CMTM3: variants seen among roughly 807,000 people sequenced by gnomAD.
The protein encoded by CMTM3 is CKLF-like MARVEL transmembrane domain-containing protein 3.
CMTM3 carries 7 observed loss-of-function variants against 18.2 expected under a neutral mutation model. The observed-to-expected ratio is 0.38, with a 90% CI of 0.22 to 0.72. The LOEUF is 0.72. CMTM3 is among the 30% of genes least tolerant of loss of function. The pLI is 0.46. For synonymous variants in CMTM3, 109 were observed against 111.2 expected, an observed-to-expected ratio of 0.98 and a Z score of 0.12; for missense variants, 227 against 249.2, an observed-to-expected ratio of 0.91 and a Z score of 0.60.
chr16:66,606,118 C>A (rs781629423), intron 1 of CMTM3, among the ~76,000 whole-genome samples: 21 of 151,032 alleles, frequency 1.4e-4, no homozygotes, highest in South Asian at 1.1e-3. Flanking sequence ...TGTCAGGAAT[C>A]CAGGTCAGGG....
chr16:66,606,277 A>C (rs899220579), intron 1 of CMTM3, among the ~76,000 whole-genome samples: 2 of 152,096 alleles, frequency 1.3e-5, no homozygotes, highest in African/African-American at 4.8e-5. Flanking sequence ...GTGGCCCCAG[A>C]AATCGCGGGA....
chr16:66,606,488 C>A (rs937565113), intron 1 of CMTM3, among the ~76,000 whole-genome samples: 37 of 151,894 alleles, frequency 2.4e-4, no homozygotes, highest in Non-Finnish European at 4.6e-4. Context: ...ATGTGCAGAG[C>A]AAATGGGGGT....
Position 66,613,326 on chromosome 16 carries a change from C to T in CMTM3, c.*689C>T. On this transcript the variant is annotated 3_prime_UTR_variant, in exon 5 of 5. Transcript: ENST00000567572. ...TTTCAAAGAAGAGCTCATAGACTGA[C>T]TGGTCCAGAAGACAGAGGGTACAAC... The T allele has an allele frequency of 1.7e-6, 1 of 580,710 alleles. No homozygotes were observed. The highest frequency in any genetic ancestry group is 1.9e-5 in the African/African-American group (1 of 53,658). The allele number at this position is 580,710 out of a possible 1,614,324, so 36.0% of individuals were successfully genotyped here.
chr16:66,613,233 A>C lies in CMTM3; in HGVS notation c.*596A>C, dbSNP rs1232932811. 1.5e-6 allele frequency: 1 copy of C among 677,270 alleles called. No homozygotes were observed. Among genetic ancestry groups the C allele is most frequent in the Non-Finnish European group, 2.7e-6 (1 of 371,100 alleles). 42.0% of individuals were successfully genotyped at this position (677,270 alleles called of 1,614,324 possible). ...CAGGAAGTGGGGCTCGGCACCCATA[A>C]CTAACACCTCCCACCCTTGGAAACC... On this transcript the variant is annotated 3_prime_UTR_variant, in exon 5 of 5. Coordinates refer to ENST00000567572, the MANE Select transcript of CMTM3 (RefSeq NM_181553.4).
At position 66,608,446 on chromosome 16, in the gene CMTM3, C is replaced by A; in HGVS notation, c.285C>A (p.Gly95=). 1 of 1,614,030 alleles carries A rather than the reference C, an allele frequency of 6.2e-7. No homozygotes were observed. Residue 95 remains glycine (G), a synonymous_variant, in exon 2 of 5, where the codon GGC becomes GGA. Transcript: ENST00000567572. This position sits in a 1 kb window ranked among gnomAD's most constrained non-coding sequence, Gnocchi z 5.1. ...TGCAGCTGAATGACAAGTGGCAGGG[C>A]TTGTGCTGGCCCATGATGGTGAGGA... ...DAMQLNDKWQ[G]LCWPMMDFLR...
At position 66,608,614 on chromosome 16, in the gene CMTM3, C is replaced by T; in HGVS notation, c.303+150C>T. 1.4e-6 allele frequency: 1 copy of T among 737,514 alleles called. No homozygotes were observed. Among genetic ancestry groups the T allele is most frequent in the Admixed American group, 2.7e-5 (1 of 36,608 alleles). 45.7% of individuals were successfully genotyped at this position (737,514 alleles called of 1,614,324 possible). A position where few individuals can be genotyped will look rare whatever the true frequency, so the allele number is the denominator to read the frequency against. On this transcript the variant is annotated intron_variant, in intron 2 of 4. Transcript: ENST00000567572. This position sits in a 1 kb window ranked among gnomAD's most constrained non-coding sequence, Gnocchi z 5.1. ...TGGATGGAGAGACCCAGCTTCAGAT[C>T]ATCCCAGCTCCACTACTCAGCAGCC...
upstream of CMTM3, chr16:66,604,451 T>C (rs950268448): frequency 1.1e-5 from 2 of 186,898 alleles, no homozygotes; most frequent in Non-Finnish European, 2.2e-5. Flanking sequence ...AGACAGCGAG[T>C]ATAGACAGCC....
rs2015301399 is a variant in CMTM3, at chr16:66,609,706, G to A, written c.399+176G>A. On this transcript the variant is annotated intron_variant, in intron 3 of 4. Transcript: ENST00000567572. This position sits in a 1 kb window ranked among gnomAD's most constrained non-coding sequence, Gnocchi z 4.4. ...CTGACTCTACCCGGGGTTTTGAAAG[G>A]CTGTTTGTCAAACCAAGTTCACAGC... 1 of 1,549,240 alleles carries A rather than the reference G, an allele frequency of 6.5e-7. No homozygotes were observed. The highest frequency in any genetic ancestry group is 8.7e-7 in the Non-Finnish European group (1 of 1,148,360).
Position 66,604,821 on chromosome 16 carries a change from C to G in CMTM3, c.16C>G (p.Pro6Ala), listed in dbSNP as rs1320259818. ...CGCCGCCGCCATGTGGCCCCCAGAC[C>G]CCGACCCCGACCCGGACCCCGAGCC... MWPPD[P>A]DPDPDPEPAG... Residue 6 changes from proline (P) to alanine (A), a missense_variant, in exon 1 of 5, where the codon CCC (proline) becomes GCC (alanine). Physicochemically the swap from Pro to Ala is conservative, Grantham distance 27. Coordinates refer to ENST00000567572, the MANE Select transcript of CMTM3 (RefSeq NM_181553.4). The G allele has an allele frequency of 7.7e-7, 1 of 1,303,758 alleles. No individual in the cohort carries two copies. Among genetic ancestry groups the G allele is most frequent in the African/African-American group, 1.6e-5 (1 of 64,362 alleles). 80.8% of individuals were successfully genotyped at this position (1,303,758 alleles called of 1,614,324 possible).
Position 66,604,731 on chromosome 16 carries a change from C to G in CMTM3, c.-75C>G. ...TGTCGCCTGCCCTCCTTCCGCACAG[C>G]CCGGGTTTCCGCTTCCCTCCGGGCG... is the stretch of plus-strand genomic sequence containing the variant. On this transcript the variant is annotated 5_prime_UTR_variant, in exon 1 of 5. Transcript: ENST00000567572. 1 of 1,135,792 alleles carries G rather than the reference C, an allele frequency of 8.8e-7. No homozygotes were observed. The highest frequency in any genetic ancestry group is 1.1e-6 in the Non-Finnish European group (1 of 906,490). The allele number at this position is 1,135,792 out of a possible 1,614,324, so 70.4% of individuals were successfully genotyped here.
chr16:66,605,035 CG>C lies in CMTM3; in HGVS notation c.147+88del. 1.3e-5 allele frequency: 16 copies of C among 1,238,872 alleles called. No homozygotes were observed. In the South Asian group the frequency reaches 1.3e-4, roughly 10 times the overall value. The allele number at this position is 1,238,872 out of a possible 1,614,324, so 76.7% of individuals were successfully genotyped here. ...AGGACGTCGGGGCGCGGGTGGGGTC[CG>C]GGGGCGGCCGCCGTGCTCCGATACC... On this transcript the variant is annotated intron_variant, in intron 1 of 4. Transcript: ENST00000567572. The surrounding 1 kb of genome is among the most constrained non-coding windows in gnomAD (Gnocchi z 4.6).
upstream of CMTM3, chr16:66,604,652 G>A (rs1412686633): frequency 1.9e-6 from 1 of 528,484 alleles, no homozygotes; most frequent in Non-Finnish European, 2.8e-6. Context: ...CTGGAGGAGC[G>A]GGTGGGGGCG....
upstream of CMTM3, chr16:66,604,663 G>T (rs962968043): frequency 4.6e-4 from 277 of 596,972 alleles, no homozygotes; most frequent in Non-Finnish European, 6.1e-4. Context: ...GGTGGGGGCG[G>T]GGCGGGGCGT....
Position 66,612,373 on chromosome 16 carries a change from C to A in CMTM3, c.521-236C>A, listed in dbSNP as rs1390659228. On this transcript the variant is annotated intron_variant, in intron 4 of 4. Transcript: ENST00000567572. The surrounding 1 kb of genome is among the most constrained non-coding windows in gnomAD (Gnocchi z 6.0). The stretch of plus-strand genomic sequence containing the variant: ...CTGGGTGATGAGCAAGACTCTGTCT[C>A]AAAGACAAAAAACAACAACAAAAAA... 2.0e-5 allele frequency among the ~76,000 whole-genome samples: 3 copies of A among 151,948 alleles called. No individual in the cohort carries two copies. Among genetic ancestry groups the A allele is most frequent in the Non-Finnish European group, 4.4e-5 (3 of 67,950 alleles).
At position 66,608,918 on chromosome 16, in the gene CMTM3, G is replaced by C. The variant is rs889936601; in HGVS notation, c.303+454G>C. Among the ~76,000 whole-genome samples, 4 of 152,158 alleles carry C rather than the reference G, an allele frequency of 2.6e-5. No individual in the cohort carries two copies. The highest frequency in any genetic ancestry group is 9.7e-5 in the African/African-American group (4 of 41,408). On this transcript the variant is annotated intron_variant, in intron 2 of 4. Coordinates refer to ENST00000567572, the MANE Select transcript of CMTM3 (RefSeq NM_181553.4). This position sits in a 1 kb window ranked among gnomAD's most constrained non-coding sequence, Gnocchi z 5.1. ...ACCTCGCTGAATGAAATGTGTCCTAGAGAAAGGGCAGCAAAGGCTCAACTT... is the reference window on the plus strand; with the variant it reads ...ACCTCGCTGAATGAAATGTGTCCTACAGAAAGGGCAGCAAAGGCTCAACTT...
At position 66,609,039 on chromosome 16, in the gene CMTM3, T is replaced by C. The variant is rs1409135258; in HGVS notation, c.304-396T>C. On this transcript the variant is annotated intron_variant, in intron 2 of 4. Coordinates refer to ENST00000567572, the MANE Select transcript of CMTM3 (RefSeq NM_181553.4). The surrounding 1 kb of genome is among the most constrained non-coding windows in gnomAD (Gnocchi z 4.4). Reference sequence around the variant, plus strand: ...CTTAGGGACGGATAAGCAGAAACTGTGGTCCATGAATGGATCGGCCACAAG... The same window carrying C: ...CTTAGGGACGGATAAGCAGAAACTGCGGTCCATGAATGGATCGGCCACAAG... Among the ~76,000 whole-genome samples, 1 of 152,192 alleles carries C rather than the reference T, an allele frequency of 6.6e-6. No individual in the cohort carries two copies. Among genetic ancestry groups the C allele is most frequent in the African/African-American group, 2.4e-5 (1 of 41,444 alleles).
intron 1 of CMTM3, among the ~76,000 whole-genome samples, chr16:66,606,511 C>T (rs73596637): frequency 0.044 from 6,729 of 151,234 alleles, 536 homozygotes; most frequent in African/African-American, 0.15. Context: ...TCTGGGGACC[C>T]CCTGGGATCC....
upstream of CMTM3, chr16:66,604,501 T>TGCCGGG (rs2015045729): frequency 4.1e-6 from 1 of 242,854 alleles, no homozygotes; most frequent in South Asian, 1.8e-4. Context: ...TCCGAAGGGG[T>TGCCGGG]GCCGGGGCGG....
chr16:66,604,696 C>T, upstream of CMTM3: 2 of 867,590 alleles, frequency 2.3e-6, no homozygotes, highest in Non-Finnish European at 3.0e-6. Flanking sequence ...TGCGCCCCTG[C>T]GCGAGCCAGT....
Sources: gnomAD v4.1 joint callset for allele counts (sites outside exome capture counted in the v4.1 genomes callset) on GRCh38, gnomAD v4.1.1 for gene constraint, Gnocchi (gnomAD v3.1) non-coding constraint, MANE v1.5 for transcripts, NCBI Gene and HGNC (gene_info 2026-07-23, HGNC 2026-07-21) for gene names.